ANKRD11: variants seen among roughly 807,000 people sequenced by gnomAD.
The protein encoded by ANKRD11 is ankyrin repeat domain-containing protein 11.
ANKRD11 carries 17 observed loss-of-function variants against 195.7 expected under a neutral mutation model. That is an observed-to-expected ratio of 0.09 (90% CI 0.06 to 0.13). The LOEUF is 0.13. Among genes scored for constraint, ANKRD11 ranks in the 10% least tolerant of loss-of-function variants. ANKRD11 has a pLI of 1.00. For missense variants in ANKRD11, 3,735 were observed against 3,566.1 expected (o/e 1.05, Z -1.21); for synonymous variants, 1,953 against 1,528.1 (o/e 1.28, Z -6.49).
intron 1 of ANKRD11, among the ~76,000 whole-genome samples, chr16:89,488,390 C>G (rs916677312): frequency 1.3e-5 from 2 of 151,838 alleles, no homozygotes; most frequent in African/African-American, 2.4e-5. Flanking sequence ...GCCACACCAA[C>G]TATACGAGAT....
chr16:89,365,858 C>A (rs989347184), intron 2 of ANKRD11, among the ~76,000 whole-genome samples: 3 of 152,104 alleles, frequency 2.0e-5, no homozygotes, highest in Admixed American at 6.5e-5. Flanking sequence ...CCTCTCCCTC[C>A]TCCACCCCCA....
At chr16:89,296,362 T>C (rs1441743415) in intron 4 of ANKRD11, among the ~76,000 whole-genome samples, 2 of 152,144 alleles carry the variant, frequency 1.3e-5, no homozygotes, top group African/African-American at 2.4e-5. Context: ...CCTGTTAAGC[T>C]GCATTCTCTC....
At chr16:89,421,479 A>G (rs1242638135) in intron 1 of ANKRD11, among the ~76,000 whole-genome samples, 1 of 81,370 alleles carries the variant, frequency 1.2e-5, no homozygotes, top group Non-Finnish European at 2.3e-5. Flanking sequence ...TCACCCGTCC[A>G]TGTCTGGGGG....
intron 2 of ANKRD11, among the ~76,000 whole-genome samples, chr16:89,337,788 G>A (rs1255181932): frequency 6.6e-6 from 1 of 152,128 alleles, no homozygotes; most frequent in African/African-American, 2.4e-5. Context: ...TCTTTCCTAG[G>A]TGGAAAGCAA....
At chr16:89,451,806 T>C (rs1412902418) in intron 1 of ANKRD11, among the ~76,000 whole-genome samples, 1 of 152,170 alleles carries the variant, frequency 6.6e-6, no homozygotes, top group Non-Finnish European at 1.5e-5. Context: ...GGAAAAAGTA[T>C]TTCAGTGAAT....
chr16:89,277,667 C>T (rs1027063972), intron 9 of ANKRD11: 1 of 152,278 alleles, frequency 6.6e-6, no homozygotes, highest in Non-Finnish European at 1.5e-5. Flanking sequence ...GGGTCAGGCT[C>T]GCGGGGAAGG....
At position 89,284,884 on chromosome 16, in the gene ANKRD11, G is replaced by C; in HGVS notation, c.1658C>G (p.Thr553Ser). 1 of 1,613,660 alleles carries C rather than the reference G, an allele frequency of 6.2e-7. No homozygotes were observed. Among genetic ancestry groups the C allele is most frequent in the Non-Finnish European group, 8.5e-7 (1 of 1,179,590 alleles). The change falls in exon 9 of 13, where the codon ACC becomes AGC. Residue 553 changes from threonine to serine, a missense_variant. By Grantham distance (58) the Thr-to-Ser change is moderately conservative (BLOSUM62 1). Transcript: ENST00000301030. ...CTCTGACCAAGCCGGGGAAGAAATG[G>C]TTTTCCAATTGTCTGTCCGCCAGTG... is the stretch of plus-strand genomic sequence containing the variant. ...TKHWRTDNWKTISSPAWSEVS... is the reference protein window; with the variant it reads ...TKHWRTDNWKSISSPAWSEVS...
intron 1 of ANKRD11, among the ~76,000 whole-genome samples, chr16:89,485,123 A>G (rs2057564470): frequency 6.6e-6 from 1 of 152,114 alleles, no homozygotes; most frequent in Admixed American, 6.5e-5. Context: ...TACAGACAGG[A>G]CGGCTTACTT....
chr16:89,411,899 C>A (rs1011735349), intron 2 of ANKRD11, among the ~76,000 whole-genome samples: 1 of 151,592 alleles, frequency 6.6e-6, no homozygotes, highest in East Asian at 1.9e-4. Flanking sequence ...TGTTCCATCC[C>A]TCCCCTCAGC....
intron 1 of ANKRD11, among the ~76,000 whole-genome samples, chr16:89,465,964 C>T (rs1310883815): frequency 6.6e-6 from 1 of 152,160 alleles, no homozygotes; most frequent in Non-Finnish European, 1.5e-5. Context: ...CCCGCCTCGG[C>T]CTCCCAAAGT....
rs1443794728 is a variant in ANKRD11 at position 89,283,898 on chromosome 16, T to C, written c.2644A>G (p.Lys882Glu). The C allele has an allele frequency of 6.2e-7, 1 of 1,614,186 alleles. No homozygotes were observed. Among genetic ancestry groups the C allele is most frequent in the Non-Finnish European group, 8.5e-7 (1 of 1,180,028 alleles). The change falls in exon 9 of 13, where the codon AAG (lysine) becomes GAG (glutamate). Residue 882 changes from lysine (K) to glutamate (E), a missense_variant. Coordinates refer to ENST00000301030, the MANE Select transcript of ANKRD11 (RefSeq NM_013275.6). This position sits in a 1 kb window ranked among gnomAD's most constrained non-coding sequence, Gnocchi z 4.3. ...CGCCTCCTCTCCTTGCTGTCCTCCT[T>C]CACCGTCTCCAAGATGAGCTTGGCC... Reference protein sequence around the residue: ...SVAKLILETVKEDSKERRRDS... With the variant: ...SVAKLILETVEEDSKERRRDS...
chr16:89,358,155 C>A (rs982234129), intron 2 of ANKRD11, among the ~76,000 whole-genome samples: 1 of 152,200 alleles, frequency 6.6e-6, no homozygotes, highest in Non-Finnish European at 1.5e-5. Context: ...CTGCACCCAC[C>A]CACGTGGCTT....
intron 1 of ANKRD11, among the ~76,000 whole-genome samples, chr16:89,464,002 G>A (rs796936762): frequency 3.3e-5 from 5 of 152,312 alleles, no homozygotes; most frequent in African/African-American, 9.6e-5. Context: ...ATTTTGGGAG[G>A]GTGAGGTGGG....
Position 89,279,715 on chromosome 16 carries a change from G to C in ANKRD11, c.6827C>G (p.Pro2276Arg), listed in dbSNP as rs573355746. ...GGCCTGAGCTTGTGCCACAGTGTTC[G>C]GGGCGGGGCCGTCAGGGGCACAGAG... is the stretch of plus-strand genomic sequence containing the variant. ...ASLCAPDGPAPNTVAQAQAAD... is the reference protein window; with the variant it reads ...ASLCAPDGPARNTVAQAQAAD... Residue 2276 changes from proline to arginine, a missense_variant, in exon 9 of 13, where the codon CCG (proline) becomes CGG (arginine). Physicochemically the swap from Pro to Arg is moderately radical, Grantham distance 103. Coordinates refer to ENST00000301030, the MANE Select transcript of ANKRD11 (RefSeq NM_013275.6). This position sits in a 1 kb window ranked among gnomAD's most constrained non-coding sequence, Gnocchi z 5.6. The C allele has an allele frequency of 5.9e-6, 9 of 1,529,942 alleles. No individual in the cohort carries two copies. The highest frequency in any genetic ancestry group is 7.9e-6 in the Non-Finnish European group (9 of 1,143,244). 94.8% of individuals were successfully genotyped at this position (1,529,942 alleles called of 1,614,324 possible). A position where few individuals can be genotyped will look rare whatever the true frequency, so the allele number is the denominator to read the frequency against.
intron 2 of ANKRD11, among the ~76,000 whole-genome samples, chr16:89,387,700 A>T (rs1423742695): frequency 3.5e-5 from 5 of 141,104 alleles, no homozygotes; most frequent in South Asian, 2.3e-4. Flanking sequence ...AAGAAAAAAA[A>T]AAAAAAAAAA....
intron 2 of ANKRD11, among the ~76,000 whole-genome samples, chr16:89,414,798 A>C (rs2042228963): frequency 6.6e-6 from 1 of 152,052 alleles, no homozygotes. Context: ...AGTCACGCCC[A>C]GATGGGAGAG....
At position 89,276,779 on chromosome 16, in the gene ANKRD11, C is replaced by T. The variant is rs999663454; in HGVS notation, c.7471-1588G>A. ...TCAGTTCAAAATTAATGATTTAGGCCGAGCGCAGTGGCTCACACCTGTAAT... is the reference window on the plus strand; with the variant it reads ...TCAGTTCAAAATTAATGATTTAGGCTGAGCGCAGTGGCTCACACCTGTAAT... On this transcript the variant is annotated intron_variant, in intron 9 of 12. Transcript: ENST00000301030. 7.9e-5 allele frequency among the ~76,000 whole-genome samples: 12 copies of T among 152,180 alleles called. No homozygotes were observed. The East Asian group carries it at 1.3e-3, about 17-fold the overall frequency.
chr16:89,278,721 C>G, intron 9 of ANKRD11: 2 of 503,840 alleles, frequency 4.0e-6, no homozygotes, highest in South Asian at 3.1e-5. Flanking sequence ...CAGGGGGTGG[C>G]TCTCGTGAGG....
In ANKRD11 at chr16:89,291,720, G is replaced by A. The variant is rs186745006; in HGVS notation, c.227-537C>T. 256 of 1,289,886 alleles carry A rather than the reference G, an allele frequency of 2.0e-4. No homozygotes were observed. Among genetic ancestry groups the A allele is most frequent in the Admixed American group, 9.9e-4 (43 of 43,562 alleles). The allele number at this position is 1,289,886 out of a possible 1,614,324, so 79.9% of individuals were successfully genotyped here. ...CTAGGAACCTCCATCTCATGCCATG[G>A]TGCTTCGAGGAGCGTACCAGCCTTG... On this transcript the variant is annotated intron_variant, in intron 4 of 12. Transcript: ENST00000301030. The surrounding 1 kb of genome is among the most constrained non-coding windows in gnomAD (Gnocchi z 5.3).
Sources: allele counts gnomAD v4.1 joint callset (sites outside exome capture counted in the v4.1 genomes callset), GRCh38; gene constraint gnomAD v4.1.1; non-coding constraint Gnocchi (gnomAD v3.1); transcripts MANE v1.5; gene names NCBI Gene and HGNC (gene_info 2026-07-23, HGNC 2026-07-21).